The following ANKS1B variants were observed in gnomAD, a reference collection of about 807,000 sequenced individuals.
ANKS1B encodes the protein ankyrin repeat and sterile alpha motif domain containing 1B.
ANKS1B carries 36 observed loss-of-function variants against 148.3 expected under a neutral mutation model. That is an observed-to-expected ratio of 0.24 (90% confidence interval 0.19 to 0.32). The LOEUF (loss-of-function observed/expected upper bound fraction) is 0.32. ANKS1B is among the 10% of genes least tolerant of loss of function. ANKS1B has a pLI of 1.00. For missense variants in ANKS1B, 1,157 were observed against 1,542.6 expected (o/e 0.75, Z 4.19); for synonymous variants, 542 against 560.8 (o/e 0.97, Z 0.47).
chr12:99,803,276 C>CT (rs2067184636), intron 4 of ANKS1B, among the ~76,000 whole-genome samples: 1 of 2,532 alleles, frequency 3.9e-4, no homozygotes, highest in Admixed American at 3.2e-3. Flanking sequence ...TAAATATTCA[C>CT]CCCCCCCCAA....
At chr12:99,615,173 A>G (rs1294061859) in intron 9 of ANKS1B, among the ~76,000 whole-genome samples, 1 of 144,032 alleles carries the variant, frequency 6.9e-6, no homozygotes, top group African/African-American at 2.5e-5. Context: ...CAGATAGATT[A>G]CACAGACAGA....
In ANKS1B at chr12:98,829,373, G is replaced by A; in HGVS notation, c.2887-20C>T. The A allele has an allele frequency of 6.2e-7, 1 of 1,609,178 alleles. No homozygotes were observed. Among genetic ancestry groups the A allele is most frequent in the Non-Finnish European group, 8.5e-7 (1 of 1,177,064 alleles). The stretch of plus-strand genomic sequence containing the variant: ...GGGTTCCTGAATGGAAATACATCAT[G>A]AAATAAATACCATGTTCTGTGGCTA... On this transcript the variant is annotated intron_variant, in intron 18 of 26. Coordinates refer to ENST00000683438, the MANE Select transcript of ANKS1B (RefSeq NM_001352186.2). This position sits in a 1 kb window ranked among gnomAD's most constrained non-coding sequence, Gnocchi z 5.2.
At chr12:99,106,639 A>G (rs574298062) in intron 15 of ANKS1B, among the ~76,000 whole-genome samples, 2 of 152,364 alleles carry the variant, frequency 1.3e-5, no homozygotes, top group South Asian at 4.1e-4. Flanking sequence ...TGATACAAGC[A>G]TACAAAGTGT....
intron 17 of ANKS1B, among the ~76,000 whole-genome samples, chr12:99,042,387 C>T (rs2099959628): frequency 6.6e-6 from 1 of 152,164 alleles, no homozygotes; most frequent in African/African-American, 2.4e-5. Context: ...TCAGCTGAGA[C>T]CACCCCAGGT....
intron 8 of ANKS1B, among the ~76,000 whole-genome samples, chr12:99,765,459 C>T (rs1057300382): frequency 3.3e-5 from 5 of 152,118 alleles, no homozygotes; most frequent in Admixed American, 2.6e-4. Flanking sequence ...ATCTCCCCCA[C>T]CTTGTATTTA....
At chr12:99,955,508 A>AG (rs2095308023) in intron 1 of ANKS1B, among the ~76,000 whole-genome samples, 1 of 146,930 alleles carries the variant, frequency 6.8e-6, no homozygotes, top group Non-Finnish European at 1.5e-5. Flanking sequence ...AAAAAAAAAA[A>AG]AAAAAAAAAA....
Position 99,361,596 on chromosome 12 carries a change from C to A in ANKS1B, c.1756+38035G>T, listed in dbSNP as rs375391567. Among the ~76,000 whole-genome samples, 104 of 152,144 alleles carry A rather than the reference C, an allele frequency of 6.8e-4. 2 individuals carry two copies. In the South Asian group the frequency reaches 0.021, roughly 30 times the overall value. On this transcript the variant is annotated intron_variant, in intron 12 of 26. Transcript: ENST00000683438. ...AAACAGATGAGAAGTTTGGAGTCAACCTTCTAGCAGTGTTGTCAATATATC... is the reference window on the plus strand; with the variant it reads ...AAACAGATGAGAAGTTTGGAGTCAAACTTCTAGCAGTGTTGTCAATATATC...
intron 12 of ANKS1B, among the ~76,000 whole-genome samples, chr12:99,303,307 T>TA (rs1273358616): frequency 6.6e-6 from 1 of 152,178 alleles, no homozygotes. Context: ...TCCAGATACT[T>TA]ACTTTTCTGT....
chr12:99,077,488 T>C (rs1194370869), intron 16 of ANKS1B, among the ~76,000 whole-genome samples: 1 of 152,252 alleles, frequency 6.6e-6, no homozygotes, highest in African/African-American at 2.4e-5. Flanking sequence ...TCATTGCCCT[T>C]CTGAAAAATA....
chr12:99,723,820 C>T (rs891893863), intron 8 of ANKS1B, among the ~76,000 whole-genome samples: 1 of 152,098 alleles, frequency 6.6e-6, no homozygotes, highest in Non-Finnish European at 1.5e-5. Flanking sequence ...TTTCCAGCCT[C>T]CTTGAGTGAC....
intron 8 of ANKS1B, among the ~76,000 whole-genome samples, chr12:99,728,350 T>C (rs1196345509): frequency 6.6e-6 from 1 of 152,182 alleles, no homozygotes; most frequent in Non-Finnish European, 1.5e-5. Context: ...AAAACATTTA[T>C]GTGGCCAATG....
In ANKS1B at chr12:99,533,964, A is replaced by C. The variant is rs2097032129; in HGVS notation, c.1273-29323T>G. Among the ~76,000 whole-genome samples the C allele has an allele frequency of 4.6e-5, 7 of 152,226 alleles. No homozygotes were observed. The South Asian group carries it at 1.4e-3, about 32-fold the overall frequency. On this transcript the variant is annotated intron_variant, in intron 9 of 26. Transcript: ENST00000683438. Reference sequence around the variant, plus strand: ...GGAGAAAAACTTGAATGGCCTCCCAAAACCTTCCAATCCCTGTGCTATTTT... The same window carrying C: ...GGAGAAAAACTTGAATGGCCTCCCACAACCTTCCAATCCCTGTGCTATTTT...
chr12:99,144,723 A>T (rs2072350480), intron 15 of ANKS1B, among the ~76,000 whole-genome samples: 1 of 152,042 alleles, frequency 6.6e-6, no homozygotes, highest in Non-Finnish European at 1.5e-5. Flanking sequence ...CTTTACAGAC[A>T]TAATCAAGTT....
chr12:99,348,615 AG>A (rs2091039536), intron 12 of ANKS1B, among the ~76,000 whole-genome samples: 1 of 151,954 alleles, frequency 6.6e-6, no homozygotes, highest in South Asian at 2.1e-4. Context: ...TTTAAACTAT[AG>A]AAGACTTAAG....
chr12:99,980,888 T>A (rs2095692156), intron 1 of ANKS1B, among the ~76,000 whole-genome samples: 1 of 151,936 alleles, frequency 6.6e-6, no homozygotes, highest in African/African-American at 2.4e-5. Context: ...AATTTTAAAA[T>A]AATTACAGCT....
At chr12:99,423,474 G>C (rs11109839) in intron 11 of ANKS1B, among the ~76,000 whole-genome samples, 6 of 151,980 alleles carry the variant, frequency 3.9e-5, no homozygotes, top group Non-Finnish European at 8.8e-5. Context: ...CCCAGCAATC[G>C]CATTACTGGG....
chr12:99,861,502 T>C (rs2090006545), intron 1 of ANKS1B, among the ~76,000 whole-genome samples: 1 of 152,212 alleles, frequency 6.6e-6, no homozygotes, highest in African/African-American at 2.4e-5. Context: ...ATTCAAAATA[T>C]CATAGAATTG....
chr12:98,894,195 T>A (rs746938359), intron 17 of ANKS1B, among the ~76,000 whole-genome samples: 7 of 152,182 alleles, frequency 4.6e-5, no homozygotes, highest in Admixed American at 2.0e-4. Flanking sequence ...TTCCTGCTAT[T>A]CCTTAAAGGC....
chr12:99,930,670 G>A (rs191851366), intron 1 of ANKS1B, among the ~76,000 whole-genome samples: 14 of 152,164 alleles, frequency 9.2e-5, no homozygotes, highest in East Asian at 7.7e-4. Context: ...TTAGAATGGC[G>A]ATCATTAAAA....
Sources: allele counts gnomAD v4.1 joint callset (sites outside exome capture counted in the v4.1 genomes callset), GRCh38; gene constraint gnomAD v4.1.1; non-coding constraint Gnocchi (gnomAD v3.1); transcripts MANE v1.5; gene names NCBI Gene and HGNC (gene_info 2026-07-23, HGNC 2026-07-21).